The following ACVR1 variants were observed in gnomAD, a reference collection of about 807,000 sequenced individuals.
ACVR1 encodes activin receptor type-1.
In ACVR1, 38 loss-of-function variants were observed where a neutral mutation model predicts 57.1. That is an observed-to-expected ratio of 0.67 (90% confidence interval 0.51 to 0.87). The LOEUF (loss-of-function observed/expected upper bound fraction) is 0.87. ACVR1 is among the 40% of genes least tolerant of loss of function. ACVR1 has a pLI of 0.00. For synonymous variants in ACVR1, 212 were observed against 228.1 expected, an observed-to-expected ratio of 0.93 and a Z score of 0.63; for missense variants, 463 against 638.2, an observed-to-expected ratio of 0.73 and a Z score of 2.96.
At position 157,780,585 on chromosome 2, in the gene ACVR1, A is replaced by T. The variant is rs2105281465; in HGVS notation, c.83T>A (p.Val28Asp). ...CACACACATGTAGAGTTTGGGGTTG[A>T]CCTTGGGCTTCTCATCTGCAAAGGA... ...SPSMEDEKPKVNPKLYMCVCE... is the reference protein window; with the variant it reads ...SPSMEDEKPKDNPKLYMCVCE... Residue 28 changes from valine (V) to aspartate (D), a missense_variant, in exon 4 of 11, where the codon GTC becomes GAC. Transcript: ENST00000434821. The T allele has an allele frequency of 6.2e-7, 1 of 1,613,542 alleles. No homozygotes were observed. Among genetic ancestry groups the T allele is most frequent in the East Asian group, 2.2e-5 (1 of 44,836 alleles).
intron 1 of ACVR1, among the ~76,000 whole-genome samples, chr2:157,866,822 C>G (rs1056240340): frequency 6.6e-6 from 1 of 152,140 alleles, no homozygotes; most frequent in Non-Finnish European, 1.5e-5. Context: ...CACTTGACCC[C>G]AAAAAGTCAA....
rs546149716 is a variant in ACVR1 at position 157,762,305 on chromosome 2, C to T, written c.1067-1228G>A. Among the ~76,000 whole-genome samples, 10 of 152,230 alleles carry T rather than the reference C, an allele frequency of 6.6e-5. No individual in the cohort carries two copies. In the South Asian group the frequency reaches 1.2e-3, roughly 19 times the overall value. On this transcript the variant is annotated intron_variant, in intron 8 of 10. Transcript: ENST00000434821. The stretch of plus-strand genomic sequence containing the variant: ...ATTATAGCATACTGCTATCATTGTT[C>T]CATTTTAGTGTTACTAATGTTCATC...
intron 2 of ACVR1, among the ~76,000 whole-genome samples, chr2:157,813,827 A>T (rs1484666622): frequency 3.3e-5 from 5 of 152,266 alleles, no homozygotes; most frequent in Non-Finnish European, 7.3e-5. Flanking sequence ...TAATTAATAC[A>T]GCATCTAGAG....
chr2:157,807,804 T>C (rs1687604774), intron 2 of ACVR1, among the ~76,000 whole-genome samples: 1 of 129,198 alleles, frequency 7.7e-6, no homozygotes. Flanking sequence ...ACTGCTCATC[T>C]GACACAGCTG....
chr2:157,874,718 G>C (rs1690221723), intron 1 of ACVR1: 1 of 152,050 alleles, frequency 6.6e-6, no homozygotes, highest in Admixed American at 6.6e-5. Flanking sequence ...AAAACCACTG[G>C]GTTATGTCTC....
At chr2:157,846,091 GGC>G (rs151093252) in intron 1 of ACVR1, among the ~76,000 whole-genome samples, 366 of 152,252 alleles carry the variant, frequency 2.4e-3, no homozygotes, top group African/African-American at 8.4e-3. Flanking sequence ...TTTGAGATGA[GGC>G]GATTATCCTG....
At chr2:157,755,772 T>A (rs750356009) in intron 9 of ACVR1, among the ~76,000 whole-genome samples, 1 of 151,854 alleles carries the variant, frequency 6.6e-6, no homozygotes, top group South Asian at 2.1e-4. Context: ...GAAATTCCCA[T>A]AAAAATACCA....
intron 1 of ACVR1, among the ~76,000 whole-genome samples, chr2:157,834,160 C>T (rs1166791011): frequency 2.0e-5 from 3 of 152,140 alleles, no homozygotes; most frequent in Non-Finnish European, 4.4e-5. Context: ...GGCGTGACCT[C>T]GGCTCACTGC....
At chr2:157,853,001 T>C (rs1428800220) in intron 1 of ACVR1, among the ~76,000 whole-genome samples, 1 of 152,204 alleles carries the variant, frequency 6.6e-6, no homozygotes, top group Non-Finnish European at 1.5e-5. Context: ...TAAAACTTAT[T>C]GTAGCTAGTA....
Position 157,737,410 on chromosome 2 carries a change from A to C in ACVR1, c.*121T>G. On this transcript the variant is annotated 3_prime_UTR_variant, in exon 11 of 11. Coordinates refer to ENST00000434821, the MANE Select transcript of ACVR1 (RefSeq NM_001111067.4). Reference sequence around the variant, plus strand: ...GCTGGGTACGACGTCTGCCTTGTCAAAGCAGCCATTTGGGGAGGGAGACAG... The same window carrying C: ...GCTGGGTACGACGTCTGCCTTGTCACAGCAGCCATTTGGGGAGGGAGACAG... The C allele has an allele frequency of 7.4e-7, 1 of 1,354,478 alleles. No individual in the cohort carries two copies. The highest frequency in any genetic ancestry group is 2.5e-5 in the East Asian group (1 of 40,514). The allele number at this position is 1,354,478 out of a possible 1,614,324, so 83.9% of individuals were successfully genotyped here. A position where few individuals can be genotyped will look rare whatever the true frequency, so the allele number is the denominator to read the frequency against.
chr2:157,810,925 T>C (rs1687730967), intron 2 of ACVR1, among the ~76,000 whole-genome samples: 2 of 152,180 alleles, frequency 1.3e-5, no homozygotes, highest in South Asian at 4.1e-4. Flanking sequence ...TCTTACCTTA[T>C]CCTTCAGGTT....
At chr2:157,795,296 T>C (rs1687065042) in intron 3 of ACVR1, among the ~76,000 whole-genome samples, 1 of 152,044 alleles carries the variant, frequency 6.6e-6, no homozygotes, top group Admixed American at 6.6e-5. Flanking sequence ...TTGAGGATAC[T>C]AGAGTGTATT....
At chr2:157,835,292 C>T (rs965038098) in intron 1 of ACVR1, among the ~76,000 whole-genome samples, 4 of 152,134 alleles carry the variant, frequency 2.6e-5, no homozygotes, top group South Asian at 2.1e-4. Flanking sequence ...CAGGAGCTAA[C>T]TTAATGTGCC....
chr2:157,743,285 A>C (rs1232887147), intron 9 of ACVR1, among the ~76,000 whole-genome samples: 1 of 152,034 alleles, frequency 6.6e-6, no homozygotes, highest in African/African-American at 2.4e-5. Flanking sequence ...CTGCTACCAC[A>C]ACACAGGGGC....
intron 2 of ACVR1, among the ~76,000 whole-genome samples, chr2:157,806,289 C>A (rs1345931879): frequency 1.3e-5 from 2 of 151,922 alleles, no homozygotes; most frequent in African/African-American, 4.8e-5. Flanking sequence ...TACTCTGTGA[C>A]CCCCAATCAT....
chr2:157,842,096 G>C (rs550808304), intron 1 of ACVR1, among the ~76,000 whole-genome samples: 1 of 151,704 alleles, frequency 6.6e-6, no homozygotes, highest in East Asian at 1.9e-4. Context: ...GCTACTTTAG[G>C]GGGAGTCATT....
chr2:157,819,711 G>A (rs1247863055), intron 1 of ACVR1, among the ~76,000 whole-genome samples: 1 of 151,460 alleles, frequency 6.6e-6, no homozygotes, highest in East Asian at 1.9e-4. Context: ...AAACAATGGT[G>A]GGGAAGGAGT....
At chr2:157,847,321 A>C (rs1434724309) in intron 1 of ACVR1, among the ~76,000 whole-genome samples, 1 of 152,156 alleles carries the variant, frequency 6.6e-6, no homozygotes, top group Admixed American at 6.5e-5. Context: ...TAAAGTTCAC[A>C]AAAAAACACT....
intron 1 of ACVR1, among the ~76,000 whole-genome samples, chr2:157,870,651 A>G (rs1690088553): frequency 6.6e-6 from 1 of 152,238 alleles, no homozygotes; most frequent in Admixed American, 6.5e-5. Context: ...GGTCCTAACT[A>G]TAAATAATGA....
Sources: gnomAD v4.1 joint callset for allele counts (sites outside exome capture counted in the v4.1 genomes callset) on GRCh38, gnomAD v4.1.1 for gene constraint, MANE v1.5 for transcripts, NCBI Gene and HGNC (gene_info 2026-07-23, HGNC 2026-07-21) for gene names.